Variants in TFEC observed in about 807,000 individuals in gnomAD.
The protein encoded by TFEC is class E basic helix-loop-helix protein 34.
TFEC carries 31 observed loss-of-function variants against 41.6 expected under a neutral mutation model. The ratio of observed to expected loss-of-function variants is 0.74; its 90% CI spans 0.56 to 1.01. The LOEUF is 1.01. TFEC is among the 50% of genes least tolerant of loss of function. The pLI is 0.00. For missense variants in TFEC, 402 were observed against 404.1 expected (o/e 0.99, Z 0.04); for synonymous variants, 143 against 140.6 (o/e 1.02, Z -0.12).
intron 6 of TFEC, among the ~76,000 whole-genome samples, chr7:115,944,856 A>G (rs946595517): frequency 6.6e-5 from 10 of 151,396 alleles, no homozygotes; most frequent in Non-Finnish European, 1.3e-4. Context: ...AACTGCAACA[A>G]AGATTTCACA....
chr7:116,046,154 T>C (rs1222467023), intron 3 of TFEC, among the ~76,000 whole-genome samples: 3 of 152,150 alleles, frequency 2.0e-5, no homozygotes, highest in Admixed American at 2.0e-4. Context: ...GGGTTAATGT[T>C]GAAATAAGGT....
At chr7:115,986,918 T>TAA (rs5886801) in intron 1 of TFEC, among the ~76,000 whole-genome samples, 6 of 151,912 alleles carry the variant, frequency 3.9e-5, no homozygotes, top group South Asian at 2.1e-4. Context: ...TAAGTATATA[T>TAA]AAAAAAACAT....
At chr7:116,126,163 A>G (rs895901997) in intron 1 of TFEC, among the ~76,000 whole-genome samples, 5 of 152,180 alleles carry the variant, frequency 3.3e-5, no homozygotes, top group Admixed American at 2.6e-4. Context: ...TCAGAAGAAA[A>G]TGAGAAAATG....
In TFEC at chr7:115,938,686, G is replaced by A. The variant is rs551533127; in HGVS notation, c.*1865C>T. 9 of 151,944 alleles carry A rather than the reference G, an allele frequency of 5.9e-5. No individual in the cohort carries two copies. Among genetic ancestry groups the A allele is most frequent in the African/African-American group, 7.2e-5 (3 of 41,500 alleles). 9.4% of individuals were successfully genotyped at this position (151,944 alleles called of 1,614,324 possible). ...TAGTGACATATTTTCCATGTGAGAA[G>A]CAACTAAAAGATCCTTTCAAAATTT... On this transcript the variant is annotated 3_prime_UTR_variant, in exon 8 of 8. Transcript: ENST00000265440.
intron 3 of TFEC, among the ~76,000 whole-genome samples, chr7:116,108,888 C>T (rs1020710824): frequency 6.6e-6 from 1 of 152,090 alleles, no homozygotes; most frequent in Non-Finnish European, 1.5e-5. Flanking sequence ...ATAAAGCCCA[C>T]TATCAGAGAG....
chr7:116,130,787 T>A (rs908966608), intron 1 of TFEC, among the ~76,000 whole-genome samples: 3 of 152,154 alleles, frequency 2.0e-5, no homozygotes, highest in African/African-American at 7.2e-5. Flanking sequence ...TAATTTTTCA[T>A]TTTTTGTAGA....
intron 3 of TFEC, among the ~76,000 whole-genome samples, chr7:116,104,146 T>C (rs1797665503): frequency 6.6e-6 from 1 of 152,204 alleles, no homozygotes; most frequent in Non-Finnish European, 1.5e-5. Flanking sequence ...TGATTCTCTC[T>C]GCTTTATTAC....
At chr7:116,006,326 A>G (rs1475743567) in intron 1 of TFEC, among the ~76,000 whole-genome samples, 1 of 152,204 alleles carries the variant, frequency 6.6e-6, no homozygotes, top group African/African-American at 2.4e-5. Flanking sequence ...GAGGGGCTAC[A>G]TTCTGCAAAG....
chr7:116,037,515 A>T (rs1253602543), intron 3 of TFEC, among the ~76,000 whole-genome samples: 1 of 152,032 alleles, frequency 6.6e-6, no homozygotes, highest in South Asian at 2.1e-4. Flanking sequence ...CTCTTGGCAA[A>T]TAATTGGCAT....
At chr7:115,973,081 TA>T (rs1793208108) in intron 3 of TFEC, among the ~76,000 whole-genome samples, 1 of 150,076 alleles carries the variant, frequency 6.7e-6, no homozygotes, top group South Asian at 2.1e-4. Context: ...ATTCTATATT[TA>T]AAAAAATGAA....
At chr7:116,045,793 C>T (rs186129782) in intron 3 of TFEC, among the ~76,000 whole-genome samples, 34 of 152,316 alleles carry the variant, frequency 2.2e-4, no homozygotes, top group African/African-American at 8.2e-4. Flanking sequence ...CACTCAATGC[C>T]AGCCGGTGAA....
intron 3 of TFEC, among the ~76,000 whole-genome samples, chr7:116,056,172 G>A (rs903262303): frequency 6.6e-6 from 1 of 151,886 alleles, no homozygotes; most frequent in Non-Finnish European, 1.5e-5. Flanking sequence ...AGTGATCCCC[G>A]AGAGACAGGA....
chr7:116,022,388 T>A (rs1463059318), intron 1 of TFEC, among the ~76,000 whole-genome samples: 4 of 152,192 alleles, frequency 2.6e-5, no homozygotes, highest in Non-Finnish European at 2.9e-5. Context: ...AAAAGCATTG[T>A]TTGAGCAGCA....
upstream of TFEC, among the ~76,000 whole-genome samples, chr7:116,032,370 G>A (rs1325437566): frequency 6.6e-6 from 1 of 151,992 alleles, no homozygotes; most frequent in East Asian, 1.9e-4. Flanking sequence ...CTATTATAAA[G>A]ACACATGCAC....
At chr7:116,142,271 C>A (rs971910882) in intron 1 of TFEC, among the ~76,000 whole-genome samples, 5 of 152,168 alleles carry the variant, frequency 3.3e-5, no homozygotes, top group African/African-American at 1.2e-4. Flanking sequence ...CTATGACATA[C>A]GCTAGCCATA....
chr7:115,982,555 A>AC (rs1471856077), intron 2 of TFEC, among the ~76,000 whole-genome samples: 1 of 152,248 alleles, frequency 6.6e-6, no homozygotes, highest in Non-Finnish European at 1.5e-5. Flanking sequence ...CACACTGATT[A>AC]AAACTATTAC....
intron 3 of TFEC, among the ~76,000 whole-genome samples, chr7:116,075,268 G>A (rs1299068218): frequency 1.3e-5 from 2 of 152,100 alleles, no homozygotes; most frequent in Non-Finnish European, 2.9e-5. Context: ...TGGCGGACAG[G>A]TGGCAGGACT....
intron 1 of TFEC, among the ~76,000 whole-genome samples, chr7:116,159,304 T>C (rs1798928586): frequency 6.6e-6 from 1 of 152,026 alleles, no homozygotes; most frequent in Non-Finnish European, 1.5e-5. Flanking sequence ...AAATATACTT[T>C]ATAAAATAAC....
rs1274031413 is a variant in TFEC, at chr7:115,968,190, T to G, written c.267+5980A>C. On this transcript the variant is annotated intron_variant, in intron 3 of 7. Coordinates refer to ENST00000265440, the MANE Select transcript of TFEC (RefSeq NM_012252.4). ...TCCAAAATATACTTGCTCACCAGTT[T>G]TAACTTTGAAGTGTCTATAACCTTC... 2.0e-6 allele frequency: 3 copies of G among 1,526,950 alleles called. No individual in the cohort carries two copies. In the African/African-American group the frequency reaches 4.1e-5, roughly 21 times the overall value. The allele number at this position is 1,526,950 out of a possible 1,614,324, so 94.6% of individuals were successfully genotyped here.
Sources: gnomAD v4.1 joint callset for allele counts (sites outside exome capture counted in the v4.1 genomes callset) on GRCh38, gnomAD v4.1.1 for gene constraint, MANE v1.5 for transcripts, NCBI Gene and HGNC (gene_info 2026-07-23, HGNC 2026-07-21) for gene names.